The following ULK4 variants were observed in gnomAD, a reference collection of about 807,000 sequenced individuals.
ULK4 encodes unc-51 like kinase 4, also known as inactive serine/threonine-protein kinase ULK4.
A neutral mutation model predicts 160.6 loss-of-function variants in ULK4; 133 were observed. The observed-to-expected ratio is 0.83, with a 90% confidence interval of 0.72 to 0.96. The LOEUF is 0.96. Among genes scored for constraint, ULK4 ranks in the 40% least tolerant of loss-of-function variants. The pLI, the probability that ULK4 is intolerant of heterozygous loss-of-function variation, is 0.00. For synonymous variants in ULK4, 534 were observed against 539.8 expected, an observed-to-expected ratio of 0.99 and a Z score of 0.15; for missense variants, 1,580 against 1,499.5, an observed-to-expected ratio of 1.05 and a Z score of -0.89.
intron 35 of ULK4, among the ~76,000 whole-genome samples, chr3:41,268,461 G>C (rs2079081848): frequency 6.6e-6 from 1 of 152,134 alleles, no homozygotes; most frequent in Non-Finnish European, 1.5e-5. Context: ...TGTGCTTCAA[G>C]GTCCTTCTGG....
At chr3:41,906,448 G>C (rs1698565153) in intron 12 of ULK4, among the ~76,000 whole-genome samples, 1 of 152,058 alleles carries the variant, frequency 6.6e-6, no homozygotes, top group Admixed American at 6.5e-5. Context: ...ACGACCACTG[G>C]AGCCAAGGAG....
At chr3:41,863,308 A>T (rs6770431) in intron 17 of ULK4, among the ~76,000 whole-genome samples, 8,872 of 148,154 alleles carry the variant, frequency 0.06, 817 homozygotes, top group African/African-American at 0.21. Flanking sequence ...AGCTTGTCAT[A>T]AATGCTGCCT....
At chr3:41,913,447 G>C (rs556868769) in intron 8 of ULK4, among the ~76,000 whole-genome samples, 3 of 151,986 alleles carry the variant, frequency 2.0e-5, no homozygotes, top group Non-Finnish European at 2.9e-5. Flanking sequence ...GGGTGGTCTC[G>C]ATCTCCTCAC....
At chr3:41,431,617 TA>T (rs1473635047) in intron 34 of ULK4, among the ~76,000 whole-genome samples, 2 of 147,150 alleles carry the variant, frequency 1.4e-5, no homozygotes, top group East Asian at 4.1e-4. Flanking sequence ...TGTTAATCAG[TA>T]AAGCCTACTC....
At chr3:41,803,297 A>G (rs1429620761) in intron 19 of ULK4, among the ~76,000 whole-genome samples, 1 of 152,170 alleles carries the variant, frequency 6.6e-6, no homozygotes, top group Non-Finnish European at 1.5e-5. Context: ...TAAAAGACAC[A>G]TTCTTTTCAA....
At chr3:41,353,432 A>C (rs1057145443) in intron 35 of ULK4, among the ~76,000 whole-genome samples, 7 of 152,098 alleles carry the variant, frequency 4.6e-5, no homozygotes, top group Admixed American at 2.6e-4. Context: ...CATTTTGGGA[A>C]GGGGAGAGGA....
At chr3:41,460,923 G>A (rs952557773) in intron 33 of ULK4, among the ~76,000 whole-genome samples, 1 of 152,056 alleles carries the variant, frequency 6.6e-6, no homozygotes, top group African/African-American at 2.4e-5. Flanking sequence ...ACAGAGGTGG[G>A]GAGTGGTATA....
intron 35 of ULK4, among the ~76,000 whole-genome samples, chr3:41,302,151 C>T (rs1359412905): frequency 6.6e-6 from 1 of 152,160 alleles, no homozygotes; most frequent in Non-Finnish European, 1.5e-5. Context: ...TAAAATATCA[C>T]ATTCAGAAGT....
intron 32 of ULK4, among the ~76,000 whole-genome samples, chr3:41,517,871 G>A (rs1326863095): frequency 6.6e-6 from 1 of 152,132 alleles, no homozygotes; most frequent in Non-Finnish European, 1.5e-5. Flanking sequence ...TTGGTGCAAA[G>A]GTAATTGTGT....
chr3:41,566,243 T>A (rs1460945214), intron 31 of ULK4, 113 bp from the exon 32 acceptor site: 4 of 874,816 alleles, frequency 4.6e-6, no homozygotes, highest in Non-Finnish European at 7.0e-6. Context: ...GGTTAAATGA[T>A]TACCTTTTTG....
chr3:41,582,513 C>A (rs2030451333), intron 31 of ULK4, among the ~76,000 whole-genome samples: 1 of 152,166 alleles, frequency 6.6e-6, no homozygotes, highest in Non-Finnish European at 1.5e-5. Context: ...AGAGGTACGT[C>A]AGCCTCATGG....
chr3:41,705,067 T>C lies in ULK4; in HGVS notation c.2771A>G (p.Tyr924Cys), dbSNP rs771738573. The change falls in exon 27 of 37, where the codon TAT (tyrosine) becomes TGT (cysteine). Residue 924 changes from tyrosine (Y) to cysteine (C), a missense_variant. By Grantham distance (194) the Tyr-to-Cys change is radical. Coordinates refer to ENST00000301831, the MANE Select transcript of ULK4 (RefSeq NM_017886.4). ...IIQYPILLKD[Y>C]RSTVVDYILP... ...GCTGCCAGAACTGACCGTGGAGCGATAGTCTTTCAATAAAATAGGATACTG... is the reference window on the plus strand; with the variant it reads ...GCTGCCAGAACTGACCGTGGAGCGACAGTCTTTCAATAAAATAGGATACTG... 2.8e-5 allele frequency: 45 copies of C among 1,611,144 alleles called. No homozygotes were observed. Among genetic ancestry groups the C allele is most frequent in the South Asian group, 3.3e-5 (3 of 90,114 alleles).
At chr3:41,508,706 G>A (rs990410192) in intron 32 of ULK4, among the ~76,000 whole-genome samples, 1 of 152,108 alleles carries the variant, frequency 6.6e-6, no homozygotes, top group Non-Finnish European at 1.5e-5. Flanking sequence ...TGGGTGGCTA[G>A]ACCCAGAATA....
chr3:41,642,270 T>C (rs1285477823), intron 30 of ULK4, among the ~76,000 whole-genome samples: 1 of 152,168 alleles, frequency 6.6e-6, no homozygotes, highest in Non-Finnish European at 1.5e-5. Flanking sequence ...ACATGTGCTA[T>C]GCTGGTGTAC....
intron 31 of ULK4, among the ~76,000 whole-genome samples, chr3:41,590,966 T>C (rs546105796): frequency 6.6e-6 from 1 of 152,076 alleles, no homozygotes; most frequent in East Asian, 1.9e-4. Context: ...TTCCACAGAT[T>C]CAAGAGCTTA....
chr3:41,892,925 A>G (rs1698017992), intron 16 of ULK4, among the ~76,000 whole-genome samples: 1 of 152,054 alleles, frequency 6.6e-6, no homozygotes, highest in African/African-American at 2.4e-5. Flanking sequence ...AGTTGAGGAG[A>G]CAAATTTGAG....
intron 29 of ULK4, among the ~76,000 whole-genome samples, chr3:41,679,589 A>T (rs1180726129): frequency 2.0e-5 from 3 of 152,222 alleles, no homozygotes; most frequent in South Asian, 2.1e-4. Context: ...TCATCTCTGG[A>T]AAAAGTAAAG....
At chr3:41,931,470 T>TAAAAAAA (rs61500854) in intron 5 of ULK4, among the ~76,000 whole-genome samples, 12 of 126,904 alleles carry the variant, frequency 9.5e-5, no homozygotes, top group African/African-American at 1.4e-4. Context: ...CCCTAGAACT[T>TAAAAAAA]AAAAAAAAAA....
At chr3:41,648,731 T>C (rs2034612938) in intron 30 of ULK4, among the ~76,000 whole-genome samples, 1 of 151,908 alleles carries the variant, frequency 6.6e-6, no homozygotes, top group Admixed American at 6.6e-5. Flanking sequence ...GGGAGGAGGG[T>C]AGGAATCCCC....
Sources: allele counts gnomAD v4.1 joint callset (sites outside exome capture counted in the v4.1 genomes callset), GRCh38; gene constraint gnomAD v4.1.1; transcripts MANE v1.5; gene names NCBI Gene and HGNC (gene_info 2026-07-23, HGNC 2026-07-21).